Variants in RBFOX1 observed in about 807,000 individuals in gnomAD.
RBFOX1 encodes RNA binding protein fox-1 homolog 1.
Under a neutral mutation model 57.7 loss-of-function variants are expected in RBFOX1, and 8 were observed. That is an observed-to-expected ratio of 0.14 (90% confidence interval 0.08 to 0.25). The LOEUF is 0.25. Among genes scored for constraint, RBFOX1 ranks in the 10% least tolerant of loss-of-function variants. The pLI is 1.00. For synonymous variants in RBFOX1, 326 were observed against 222.4 expected, an observed-to-expected ratio of 1.47 and a Z score of -4.15; for missense variants, 611 against 548.5, an observed-to-expected ratio of 1.11 and a Z score of -1.14.
At chr16:5,884,171 A>T (rs1331048100) in intron 4 of RBFOX1, among the ~76,000 whole-genome samples, 1 of 152,240 alleles carries the variant, frequency 6.6e-6, no homozygotes, top group African/African-American at 2.4e-5. Context: ...GCAAGTTGTC[A>T]GTAAATGATA....
chr16:5,324,604 A>G (rs1265795445), intron 1 of RBFOX1, among the ~76,000 whole-genome samples: 1 of 152,266 alleles, frequency 6.6e-6, no homozygotes, highest in African/African-American at 2.4e-5. Context: ...TGGTCCATAT[A>G]TACCATGAAA....
At chr16:6,858,944 C>G (rs142644662) in intron 3 of RBFOX1, among the ~76,000 whole-genome samples, 15 of 151,496 alleles carry the variant, frequency 9.9e-5, no homozygotes, top group African/African-American at 2.9e-4. Context: ...ATATTATTTT[C>G]ACTGTCAATC....
chr16:6,894,440 C>T (rs1028266764), intron 3 of RBFOX1, among the ~76,000 whole-genome samples: 8 of 152,140 alleles, frequency 5.3e-5, no homozygotes, highest in African/African-American at 1.9e-4. Context: ...GTGAGAATGC[C>T]TTCCCGAATT....
intron 14 of RBFOX1, among the ~76,000 whole-genome samples, chr16:7,698,214 G>GTA (rs2079441593): frequency 6.7e-6 from 1 of 150,296 alleles, no homozygotes. Context: ...GTGTGTGTGT[G>GTA]TATAAAGGGG....
intron 1 of RBFOX1, among the ~76,000 whole-genome samples, chr16:5,308,115 G>A (rs1023035445): frequency 1.3e-5 from 2 of 152,056 alleles, no homozygotes; most frequent in African/African-American, 2.4e-5. Flanking sequence ...TGAGGTGGGC[G>A]GATTACTTGA....
At chr16:7,108,296 C>T (rs1423595525) in intron 4 of RBFOX1, among the ~76,000 whole-genome samples, 1 of 152,014 alleles carries the variant, frequency 6.6e-6, no homozygotes, top group Non-Finnish European at 1.5e-5. Flanking sequence ...TGCTCACAAT[C>T]TCCCCATTAA....
chr16:6,063,736 C>G (rs1313028686), intron 1 of RBFOX1, among the ~76,000 whole-genome samples: 2 of 152,158 alleles, frequency 1.3e-5, no homozygotes, highest in Middle Eastern at 3.2e-3. Flanking sequence ...ACAGAGTGCA[C>G]ATTCCCTCCT....
chr16:5,587,518 G>A (rs1235361888), intron 2 of RBFOX1, among the ~76,000 whole-genome samples: 1 of 152,154 alleles, frequency 6.6e-6, no homozygotes, highest in Non-Finnish European at 1.5e-5. Flanking sequence ...TTTGAGACAA[G>A]CCTGGCCAAC....
chr16:6,791,758 C>G (rs947328956), intron 3 of RBFOX1, among the ~76,000 whole-genome samples: 1 of 152,036 alleles, frequency 6.6e-6, no homozygotes, highest in Non-Finnish European at 1.5e-5. Context: ...GAGAGTCTGT[C>G]TCAAAAAAAG....
intron 4 of RBFOX1, among the ~76,000 whole-genome samples, chr16:7,512,184 C>T (rs568041423): frequency 6.6e-6 from 1 of 152,162 alleles, no homozygotes; most frequent in Non-Finnish European, 1.5e-5. Flanking sequence ...CCAGAATGCT[C>T]CAAATAATTT....
At chr16:6,942,316 C>T (rs1190710897) in intron 3 of RBFOX1, among the ~76,000 whole-genome samples, 1 of 152,136 alleles carries the variant, frequency 6.6e-6, no homozygotes, top group Non-Finnish European at 1.5e-5. Context: ...CACTGGCACA[C>T]ACCACCACGC....
downstream of RBFOX1, among the ~76,000 whole-genome samples, chr16:5,604,399 G>C (rs2047486543): frequency 6.6e-6 from 1 of 152,170 alleles, no homozygotes; most frequent in Admixed American, 6.5e-5. Context: ...AATCTCACTG[G>C]TTGTTGGAAT....
chr16:6,983,179 C>T (rs1184959115), intron 3 of RBFOX1, among the ~76,000 whole-genome samples: 1 of 151,982 alleles, frequency 6.6e-6, no homozygotes, highest in East Asian at 1.9e-4. Context: ...CAAGCCTCTA[C>T]CCTTTCCTTG....
rs139556066 is a variant in RBFOX1, at chr16:5,476,242, A to T, written c.258+8988A>T. 1.8e-3 allele frequency among the ~76,000 whole-genome samples: 274 copies of T among 152,334 alleles called. 2 individuals are homozygous for T. Among genetic ancestry groups the T allele is most frequent in the East Asian group, 4.8e-3 (25 of 5,182 alleles). On this transcript the variant is annotated intron_variant, in intron 2 of 2. Coordinates refer to the RBFOX1 transcript ENST00000585867. ...CTGCAGTGTACACATATCGCAAAACATCATGTCATATACCATGAATATATG... is the reference window on the plus strand; with the variant it reads ...CTGCAGTGTACACATATCGCAAAACTTCATGTCATATACCATGAATATATG...
At chr16:5,532,888 G>A (rs1218793453) in intron 2 of RBFOX1, among the ~76,000 whole-genome samples, 1 of 152,154 alleles carries the variant, frequency 6.6e-6, no homozygotes, top group Admixed American at 6.5e-5. Flanking sequence ...TCTGCCTGGA[G>A]ACCCTGATGG....
chr16:6,990,789 G>A (rs1029462694), intron 3 of RBFOX1, among the ~76,000 whole-genome samples: 3 of 152,116 alleles, frequency 2.0e-5, no homozygotes, highest in African/African-American at 4.8e-5. Context: ...AGCCCAAACT[G>A]CTTGTTAAGG....
At chr16:5,456,453 C>T (rs1050547820) in intron 1 of RBFOX1, among the ~76,000 whole-genome samples, 2 of 152,110 alleles carry the variant, frequency 1.3e-5, no homozygotes, top group Admixed American at 1.3e-4. Context: ...TCTTGGTAGT[C>T]CCTGAGGGTC....
intron 3 of RBFOX1, among the ~76,000 whole-genome samples, chr16:5,612,456 G>A (rs2047858882): frequency 6.7e-6 from 1 of 148,278 alleles, no homozygotes; most frequent in African/African-American, 2.4e-5. Context: ...CTACAGTTTA[G>A]TGAGACAGAG....
chr16:6,836,363 C>G (rs1419830728), intron 3 of RBFOX1, among the ~76,000 whole-genome samples: 1 of 152,164 alleles, frequency 6.6e-6, no homozygotes, highest in African/African-American at 2.4e-5. Flanking sequence ...AACTGAAACA[C>G]ACAGCAACAG....
Sources: allele counts gnomAD v4.1 joint callset (sites outside exome capture counted in the v4.1 genomes callset), GRCh38; gene constraint gnomAD v4.1.1; transcripts MANE v1.5; gene names NCBI Gene and HGNC (gene_info 2026-07-23, HGNC 2026-07-21).